The following AMPH variants were observed in gnomAD, a reference collection of about 807,000 sequenced individuals.
AMPH encodes the protein amphiphysin (Stiff-Mann syndrome with breast cancer 128kD autoantigen).
A neutral mutation model predicts 99.1 loss-of-function variants in AMPH; 49 were observed. The ratio of observed to expected loss-of-function variants is 0.49; its 90% CI spans 0.39 to 0.63. The LOEUF (loss-of-function observed/expected upper bound fraction) is 0.63, where lower values mean the gene tolerates loss of function less well. Among genes scored for constraint, AMPH ranks in the 20% least tolerant of loss-of-function variants. The pLI is 0.00. For synonymous variants in AMPH, 314 were observed against 317.3 expected (o/e 0.99, Z 0.11); for missense variants, 759 against 863.4 (o/e 0.88, Z 1.52).
chr7:38,391,558 T>TA (rs1784493512), intron 19 of AMPH, among the ~76,000 whole-genome samples, 190 bp downstream of exon 19: 1 of 152,242 alleles, frequency 6.6e-6, no homozygotes, highest in African/African-American at 2.4e-5. Flanking sequence ...TCCCTTTAAT[T>TA]ATTCTTTGTT....
chr7:38,429,719 G>T, intron 14 of AMPH, 123 bp downstream of exon 14: 1 of 1,320,836 alleles, frequency 7.6e-7, no homozygotes, highest in Non-Finnish European at 1.1e-6. Context: ...ACATTCATTG[G>T]CTTAAGGTTT....
intron 17 of AMPH, among the ~76,000 whole-genome samples, chr7:38,402,497 CATTTT>C (rs1402116703): frequency 6.6e-6 from 1 of 152,148 alleles, no homozygotes; most frequent in Admixed American, 6.5e-5. Flanking sequence ...TTCTTTGTTC[CATTTT>C]ACTCGCTATC....
intron 1 of AMPH, among the ~76,000 whole-genome samples, chr7:38,594,037 G>A (rs544994729): frequency 2.6e-4 from 40 of 152,284 alleles, no homozygotes; most frequent in Admixed American, 9.2e-4. Flanking sequence ...AGCTCTTGGC[G>A]TTAGCATGCT....
chr7:38,428,568 A>G (rs1785871998), intron 14 of AMPH: 3 of 456,602 alleles, frequency 6.6e-6, no homozygotes, highest in East Asian at 6.9e-5. Flanking sequence ...GTAAAATATC[A>G]TATCATGGTT....
chr7:38,439,097 C>T (rs554477224), intron 11 of AMPH, among the ~76,000 whole-genome samples: 3 of 152,288 alleles, frequency 2.0e-5, no homozygotes, highest in African/African-American at 7.2e-5. Context: ...GGCACTTCCC[C>T]CCTGCTGTCT....
chr7:38,626,878 A>T (rs1794264944), intron 1 of AMPH, among the ~76,000 whole-genome samples: 1 of 147,662 alleles, frequency 6.8e-6, no homozygotes, highest in African/African-American at 2.5e-5. Context: ...ACAGTTTTTC[A>T]TGATAAGCTT....
chr7:38,464,002 A>G (rs888842587), intron 9 of AMPH: 1 of 1,228,808 alleles, frequency 8.1e-7, no homozygotes, highest in Non-Finnish European at 1.1e-6. Context: ...ATGCCACATG[A>G]TTGGGGTCAT....
intron 2 of AMPH, among the ~76,000 whole-genome samples, chr7:38,524,458 G>A (rs1186144799): frequency 6.6e-6 from 1 of 152,144 alleles, no homozygotes; most frequent in African/African-American, 2.4e-5. Flanking sequence ...CATAGCAAAA[G>A]TTTTGTCATA....
intron 1 of AMPH, among the ~76,000 whole-genome samples, chr7:38,540,112 A>T (rs1367840959): frequency 6.6e-6 from 1 of 152,222 alleles, no homozygotes; most frequent in African/African-American, 2.4e-5. Flanking sequence ...TGATATGCAG[A>T]TTTTGACATC....
chr7:38,540,035 C>A (rs59548988), intron 1 of AMPH, among the ~76,000 whole-genome samples: 68,555 of 152,020 alleles, frequency 0.45, 16,077 homozygotes, highest in East Asian at 0.65. Flanking sequence ...GTGTTGAAAA[C>A]ACCAATTAAA....
At chr7:38,432,833 T>C (rs1786086198) in intron 12 of AMPH, among the ~76,000 whole-genome samples, 1 of 152,170 alleles carries the variant, frequency 6.6e-6, no homozygotes, top group Admixed American at 6.5e-5. Flanking sequence ...GAATTGGTAA[T>C]CATACAAATT....
intron 1 of AMPH, among the ~76,000 whole-genome samples, chr7:38,611,119 T>C (rs28542321): frequency 0.095 from 14,437 of 152,292 alleles, 943 homozygotes; most frequent in South Asian, 0.18. Context: ...ATACATAAAA[T>C]GGAATGTGAT....
At chr7:38,455,317 C>T (rs983276470) in intron 11 of AMPH, among the ~76,000 whole-genome samples, 2 of 152,110 alleles carry the variant, frequency 1.3e-5, no homozygotes, top group African/African-American at 4.8e-5. Flanking sequence ...GTGATCTGCC[C>T]GCCTTGGCCT....
chr7:38,575,751 CAT>C (rs1043237256), intron 1 of AMPH, among the ~76,000 whole-genome samples: 27 of 152,154 alleles, frequency 1.8e-4, no homozygotes, highest in Non-Finnish European at 2.9e-5. Flanking sequence ...TTTATAGCAG[CAT>C]GAAAATGGAC....
intron 2 of AMPH, among the ~76,000 whole-genome samples, chr7:38,509,864 C>T (rs944854185): frequency 6.6e-6 from 1 of 152,158 alleles, no homozygotes; most frequent in African/African-American, 2.4e-5. Flanking sequence ...TCGGTGTCTC[C>T]TGCTGTGGGT....
chr7:38,582,899 C>T (rs1792517028), intron 1 of AMPH, among the ~76,000 whole-genome samples: 1 of 152,162 alleles, frequency 6.6e-6, no homozygotes, highest in Admixed American at 6.5e-5. Context: ...TAAGACCATC[C>T]TTCACTCAAG....
chr7:38,588,500 A>C (rs1436115407), intron 1 of AMPH, among the ~76,000 whole-genome samples: 1 of 152,184 alleles, frequency 6.6e-6, no homozygotes, highest in Non-Finnish European at 1.5e-5. Context: ...CTGGGAAAAC[A>C]AAGGGCACTA....
chr7:38,517,946 C>T (rs1789813880), intron 2 of AMPH, among the ~76,000 whole-genome samples: 1 of 152,212 alleles, frequency 6.6e-6, no homozygotes, highest in Non-Finnish European at 1.5e-5. Context: ...ATCACAGTCT[C>T]AGCGCTCTAG....
Position 38,580,979 on chromosome 7 carries a change from T to C in AMPH, c.70-45968A>G, listed in dbSNP as rs183674844. ...TTAAGCCTATTATATTTCTTTGATA[T>C]GTTTATAAATTATTTCTCAACATGA... On this transcript the variant is annotated intron_variant, in intron 1 of 20. Transcript: ENST00000356264. 2.6e-5 allele frequency among the ~76,000 whole-genome samples: 4 copies of C among 152,346 alleles called. No homozygotes were observed. In the East Asian group the frequency reaches 5.8e-4, roughly 22 times the overall value.
Sources: allele counts gnomAD v4.1 joint callset (sites outside exome capture counted in the v4.1 genomes callset), GRCh38; gene constraint gnomAD v4.1.1; transcripts MANE v1.5; gene names NCBI Gene and HGNC (gene_info 2026-07-23, HGNC 2026-07-21).